Variants in ATP13A4 observed in about 807,000 individuals in gnomAD.
ATP13A4 encodes ATPase 13A4.
ATP13A4 carries 114 observed loss-of-function variants against 142.5 expected under a neutral mutation model. The ratio of observed to expected loss-of-function variants is 0.80; its 90% CI spans 0.69 to 0.93. The LOEUF (loss-of-function observed/expected upper bound fraction) is 0.93. ATP13A4 is among the 40% of genes least tolerant of loss of function. The pLI, the probability that ATP13A4 is intolerant of heterozygous loss-of-function variation, is 0.00. For synonymous variants in ATP13A4, 488 were observed against 514.8 expected (o/e 0.95, Z 0.70); for missense variants, 1,392 against 1,454.0 (o/e 0.96, Z 0.69).
chr3:193,592,994 G>T, intron 1 of ATP13A4: 1 of 239,872 alleles, frequency 4.2e-6, no homozygotes, highest in Non-Finnish European at 8.0e-6. Flanking sequence ...CCCAACTCTC[G>T]CTCCCTCCCC....
intron 25 of ATP13A4, among the ~76,000 whole-genome samples, chr3:193,422,281 G>C (rs1394214222): frequency 1.3e-5 from 2 of 149,622 alleles, no homozygotes; most frequent in African/African-American, 4.9e-5. Context: ...ATAATAGTAG[G>C]GGACTTCAAT....
intron 1 of ATP13A4, among the ~76,000 whole-genome samples, 154 bp from the exon 2 acceptor site, chr3:193,515,025 A>AC (rs1721333823): frequency 6.6e-6 from 1 of 152,110 alleles, no homozygotes; most frequent in Admixed American, 6.6e-5. Context: ...GTGGAGAGGA[A>AC]ATCTTGACAA....
chr3:193,426,243 A>G (rs1715656018), intron 25 of ATP13A4, among the ~76,000 whole-genome samples: 1 of 151,854 alleles, frequency 6.6e-6, no homozygotes, highest in African/African-American at 2.4e-5. Context: ...TTCAAAGACA[A>G]ACTTAAAAAA....
intron 25 of ATP13A4, 52 bp from the exon 26 acceptor site, chr3:193,414,802 T>A: frequency 6.4e-7 from 1 of 1,567,362 alleles, no homozygotes; most frequent in Non-Finnish European, 8.8e-7. Flanking sequence ...AATGTATTCT[T>A]GATCAGAAGA....
At chr3:193,579,089 C>A (rs1724473262) in intron 2 of ATP13A4, 2 of 173,390 alleles carry the variant, frequency 1.2e-5, no homozygotes, top group East Asian at 1.5e-4. Flanking sequence ...GACAACACAG[C>A]CCACCTGATA....
intron 7 of ATP13A4, among the ~76,000 whole-genome samples, chr3:193,487,413 T>G (rs986173209): frequency 2.0e-5 from 3 of 152,216 alleles, no homozygotes. Context: ...CTGAATTCTA[T>G]TTTCACTTAT....
chr3:193,442,589 T>C (rs1245681398), intron 18 of ATP13A4, 33 bp from the exon 19 acceptor site: 12 of 1,592,572 alleles, frequency 7.5e-6, no homozygotes, highest in African/African-American at 1.3e-5. Flanking sequence ...CAAGATGAGG[T>C]TGACAAGATT....
intron 7 of ATP13A4, among the ~76,000 whole-genome samples, chr3:193,489,295 A>C (rs6762317): frequency 0.21 from 31,657 of 152,002 alleles, 3,504 homozygotes; most frequent in African/African-American, 0.28. Flanking sequence ...TGGTGTAGGC[A>C]TAAAGAAAGT....
chr3:193,576,399 G>A (rs1724397231), intron 2 of ATP13A4, among the ~76,000 whole-genome samples: 1 of 149,726 alleles, frequency 6.7e-6, no homozygotes, highest in Non-Finnish European at 1.5e-5. Context: ...AGCCTCCCGA[G>A]TAGCTGGGAC....
chr3:193,561,191 G>T (rs1724009528), intron 2 of ATP13A4, among the ~76,000 whole-genome samples: 1 of 152,248 alleles, frequency 6.6e-6, no homozygotes, highest in East Asian at 1.9e-4. Context: ...CTGCCTCTGG[G>T]CAGACTAACC....
At chr3:193,458,934 C>T (rs1450602711) in intron 14 of ATP13A4, 147 bp downstream of exon 14, 3 of 1,056,050 alleles carry the variant, frequency 2.8e-6, no homozygotes, top group Non-Finnish European at 3.0e-6. Flanking sequence ...GATGAGGAAA[C>T]CAGCCTTAGA....
Position 193,483,965 on chromosome 3 carries a change from C to G in ATP13A4, c.779G>C (p.Ser260Thr). The change falls in exon 8 of 30, where the codon AGC (serine) becomes ACC (threonine). Residue 260 changes from serine (S) to threonine (T), a missense_variant. Ser to Thr is a moderately conservative substitution (Grantham distance 58). Transcript: ENST00000342695. ...KLHHLVESHN[S>T]ITVSVCGRKA... ...TCTCCCACATACAGAGACCGTAATG[C>G]TATTATGTGACTCGACGAGATGGTG... is the stretch of plus-strand genomic sequence containing the variant. 6.2e-7 allele frequency: 1 copy of G among 1,609,328 alleles called. No homozygotes were observed. Among genetic ancestry groups the G allele is most frequent in the Admixed American group, 1.7e-5 (1 of 59,986 alleles).
At chr3:193,462,020 G>A (rs1182257437) in intron 13 of ATP13A4, among the ~76,000 whole-genome samples, 1 of 152,094 alleles carries the variant, frequency 6.6e-6, no homozygotes, top group Admixed American at 6.6e-5. Flanking sequence ...TCAGGAGTTT[G>A]AGACCAGCCT....
At chr3:193,520,111 C>A (rs939103572) in intron 1 of ATP13A4, among the ~76,000 whole-genome samples, 2 of 151,898 alleles carry the variant, frequency 1.3e-5, no homozygotes, top group Admixed American at 6.6e-5. Context: ...TAAATACTTG[C>A]TGAATCAATC....
At chr3:193,571,427 C>T (rs1233594057) in intron 2 of ATP13A4, among the ~76,000 whole-genome samples, 18 of 152,160 alleles carry the variant, frequency 1.2e-4, no homozygotes, top group Admixed American at 1.2e-3. Context: ...CATAACTATT[C>T]ACTCCTTAAC....
chr3:193,501,122 A>G (rs1201335420), intron 3 of ATP13A4, among the ~76,000 whole-genome samples: 1 of 152,100 alleles, frequency 6.6e-6, no homozygotes, highest in Non-Finnish European at 1.5e-5. Flanking sequence ...TTATCTGTCC[A>G]CTTATTTATT....
intron 8 of ATP13A4, among the ~76,000 whole-genome samples, chr3:193,478,111 T>C (rs1719073648): frequency 6.6e-6 from 1 of 152,034 alleles, no homozygotes; most frequent in Non-Finnish European, 1.5e-5. Flanking sequence ...TAAATGTATC[T>C]ATAGGTTCAA....
At chr3:193,531,118 T>G (rs1385086507) in intron 1 of ATP13A4, among the ~76,000 whole-genome samples, 1 of 152,098 alleles carries the variant, frequency 6.6e-6, no homozygotes, top group Admixed American at 6.5e-5. Flanking sequence ...GAGTGGGTCG[T>G]GGCTTCTCCT....
chr3:193,467,947 G>C (rs931952159), intron 9 of ATP13A4, among the ~76,000 whole-genome samples: 5 of 152,138 alleles, frequency 3.3e-5, no homozygotes, highest in Non-Finnish European at 7.3e-5. Context: ...GGGAGGCCGA[G>C]GTAGGCAGAT....
Sources: gnomAD v4.1 joint callset for allele counts (sites outside exome capture counted in the v4.1 genomes callset) on GRCh38, gnomAD v4.1.1 for gene constraint, MANE v1.5 for transcripts, NCBI Gene and HGNC (gene_info 2026-07-23, HGNC 2026-07-21) for gene names.